The following C2CD3 variants were observed in gnomAD, a reference collection of about 807,000 sequenced individuals.
The protein encoded by C2CD3 is C2 domain containing 3 centriole elongation regulator, also known as C2 domain-containing protein 3.
Under a neutral mutation model 234.0 loss-of-function variants are expected in C2CD3, and 148 were observed. The ratio of observed to expected loss-of-function variants is 0.63; its 90% CI spans 0.55 to 0.72. The LOEUF is 0.72. Ranked by LOEUF, C2CD3 falls within the 30% of genes least tolerant of loss-of-function variation. C2CD3 has a pLI of 0.00. For synonymous variants in C2CD3, 1,000 were observed against 1,035.4 expected, an observed-to-expected ratio of 0.97 and a Z score of 0.66; for missense variants, 2,577 against 2,811.5, an observed-to-expected ratio of 0.92 and a Z score of 1.89.
intron 28 of C2CD3, among the ~76,000 whole-genome samples, chr11:74,044,834 C>T (rs1013805096): frequency 6.0e-5 from 9 of 150,740 alleles, no homozygotes; most frequent in Admixed American, 2.0e-4. Context: ...TGTGTTAATT[C>T]GCTTAGGATA....
At position 74,120,656 on chromosome 11, in the gene C2CD3, C is replaced by T. The variant is rs536100568; in HGVS notation, c.1366-2274G>A. On this transcript the variant is annotated intron_variant, in intron 8 of 32. Coordinates refer to ENST00000334126, the MANE Select transcript of C2CD3 (RefSeq NM_001286577.2). ...GGGTATACACCCAGTCATAGGATTGCTGGGTCAAATGGTAATTCTAGTTCT... is the reference window on the plus strand; with the variant it reads ...GGGTATACACCCAGTCATAGGATTGTTGGGTCAAATGGTAATTCTAGTTCT... Among the ~76,000 whole-genome samples the T allele has an allele frequency of 2.0e-5, 3 of 152,296 alleles. No homozygotes were observed. In the South Asian group the frequency reaches 6.2e-4, roughly 32 times the overall value.
rs760617771 is a variant in C2CD3 at position 74,028,381 on chromosome 11, A to C, written c.6827T>G (p.Val2276Gly). The part of the protein sequence containing the change: ...QSLLLPGPIV[V>G]PNFFLPPQQL... ...CTGGGGAGGCAAAAAGAAGTTGGGC[A>C]CCACAATGGGCCCTGGGCTACAATG... The change falls in exon 32 of 33, where the codon GTG becomes GGG. Residue 2276 changes from valine (V) to glycine (G), a missense_variant. Val to Gly is a moderately radical substitution (Grantham distance 109). Transcript: ENST00000334126. The C allele has an allele frequency of 1.3e-6, 2 of 1,535,516 alleles. No individual in the cohort carries two copies. Among genetic ancestry groups the C allele is most frequent in the African/African-American group, 2.7e-5 (2 of 73,024 alleles).
chr11:74,106,543 G>A (rs1956527658), intron 12 of C2CD3, 50 bp from the exon 13 acceptor site: 1 of 1,570,416 alleles, frequency 6.4e-7, no homozygotes, highest in Non-Finnish European at 8.7e-7. Flanking sequence ...AGAAGCCACA[G>A]GTGATCTTAA....
At chr11:74,165,458 T>C (rs1335195229) in intron 2 of C2CD3, among the ~76,000 whole-genome samples, 2 of 152,236 alleles carry the variant, frequency 1.3e-5, no homozygotes, top group Non-Finnish European at 2.9e-5. Flanking sequence ...TTCATGCTAA[T>C]ATGTGACAAC....
At chr11:74,087,496 G>T (rs779522595) in intron 20 of C2CD3, among the ~76,000 whole-genome samples, 1 of 151,918 alleles carries the variant, frequency 6.6e-6, no homozygotes, top group Non-Finnish European at 1.5e-5. Context: ...CCCAGGAGGC[G>T]GAGGTTGCAG....
rs368123128 is a variant in C2CD3 at position 74,092,627 on chromosome 11, G to A, written c.3345-39C>T. ...AAGCACACGTTGTCAGAAGAATTAGGTGATAAATGATTCAGTCTGCCCCAC... is the reference window on the plus strand; with the variant it reads ...AAGCACACGTTGTCAGAAGAATTAGATGATAAATGATTCAGTCTGCCCCAC... On this transcript the variant is annotated intron_variant, in intron 18 of 32. Coordinates refer to ENST00000334126, the MANE Select transcript of C2CD3 (RefSeq NM_001286577.2). 8 of 1,553,888 alleles carry A rather than the reference G, an allele frequency of 5.1e-6. No individual in the cohort carries two copies. The African/African-American group carries it at 8.2e-5, about 16-fold the overall frequency.
chr11:74,102,187 T>C (rs1956340589), intron 14 of C2CD3, among the ~76,000 whole-genome samples: 1 of 152,210 alleles, frequency 6.6e-6, no homozygotes, highest in Non-Finnish European at 1.5e-5. Context: ...AGGTTCTACT[T>C]AGGTGCCTGA....
At chr11:74,137,004 C>T (rs1297478870) in intron 5 of C2CD3, among the ~76,000 whole-genome samples, 1 of 148,246 alleles carries the variant, frequency 6.7e-6, no homozygotes, top group Non-Finnish European at 1.5e-5. Flanking sequence ...TCCCTTAGAT[C>T]TTTAATGTTA....
Position 74,133,522 on chromosome 11 carries a change from T to A in C2CD3, c.991A>T (p.Met331Leu). The A allele has an allele frequency of 1.2e-6, 2 of 1,614,068 alleles. No individual in the cohort carries two copies. Among genetic ancestry groups the A allele is most frequent in the Non-Finnish European group, 1.7e-6 (2 of 1,179,942 alleles). Reference sequence around the variant, plus strand: ...CTTGATTTCATTGCAGAAATCACCATGGCATTACGCAGTTTATTGCCTTGT... The same window carrying A: ...CTTGATTTCATTGCAGAAATCACCAAGGCATTACGCAGTTTATTGCCTTGT... ...LEQGNKLRNAMVISAMKSSPE... is the reference protein window; with the variant it reads ...LEQGNKLRNALVISAMKSSPE... The change falls in exon 6 of 33, where the codon ATG (methionine) becomes TTG (leucine). Residue 331 changes from methionine to leucine, a missense_variant. Met to Leu is a conservative substitution (Grantham distance 15, BLOSUM62 2). Transcript: ENST00000334126.
chr11:74,085,935 AATC>A, intron 20 of C2CD3, 49 bp from the exon 21 acceptor site: 1 of 1,529,120 alleles, frequency 6.5e-7, no homozygotes, highest in Non-Finnish European at 8.8e-7. Context: ...TAACATTAGA[AATC>A]AGCTTGATTT....
intron 7 of C2CD3, among the ~76,000 whole-genome samples, chr11:74,127,156 C>T (rs1202542575): frequency 2.6e-5 from 4 of 152,186 alleles, no homozygotes; most frequent in African/African-American, 4.8e-5. Flanking sequence ...CACAGGCATA[C>T]GCCACCACAC....
chr11:74,039,670 G>C lies in C2CD3; in HGVS notation c.5661-1972C>G, dbSNP rs538449860. 2.1e-4 allele frequency among the ~76,000 whole-genome samples: 32 copies of C among 152,250 alleles called. 1 individual carries two copies. In the South Asian group the frequency reaches 6.4e-3, roughly 31 times the overall value. On this transcript the variant is annotated intron_variant, in intron 29 of 32. Coordinates refer to ENST00000334126, the MANE Select transcript of C2CD3 (RefSeq NM_001286577.2). ...CTCAGGATACACTTGGCAATGTCTG[G>C]AGACATTTTGGGTTGTCACAAGTGG... is the stretch of plus-strand genomic sequence containing the variant.
intron 1 of C2CD3, 73 bp from the exon 2 acceptor site, chr11:74,168,686 T>A: frequency 7.2e-7 from 1 of 1,382,594 alleles, no homozygotes; most frequent in Non-Finnish European, 9.9e-7. Flanking sequence ...GCTTTTTGAA[T>A]GAAAACAAAC....
At position 74,033,668 on chromosome 11, in the gene C2CD3, A is replaced by G. The variant is rs1214778232; in HGVS notation, c.6492T>C (p.Gly2164=). The part of the protein sequence containing the change: ...CECEASKARV[G]GESASANPQP... Reference sequence around the variant, plus strand: ...GAGGGTTGGCTGAGGCAGACTCGCCACCAACCCTGGCCTTAGAGGCCTCAC... The same window carrying G: ...GAGGGTTGGCTGAGGCAGACTCGCCGCCAACCCTGGCCTTAGAGGCCTCAC... The change falls in exon 31 of 33, where the codon GGT becomes GGC. Residue 2164 remains glycine (G), a synonymous_variant. Transcript: ENST00000334126. 3 of 1,536,134 alleles carry G rather than the reference A, an allele frequency of 2.0e-6. No individual in the cohort carries two copies. Among genetic ancestry groups the G allele is most frequent in the Non-Finnish European group, 2.6e-6 (3 of 1,146,928 alleles).
Position 74,139,616 on chromosome 11 carries a change from T to C in C2CD3, c.696A>G (p.Ser232=), listed in dbSNP as rs1302871369. 5 of 1,611,938 alleles carry C rather than the reference T, an allele frequency of 3.1e-6. No homozygotes were observed. The African/African-American group carries it at 4.0e-5, about 13-fold the overall frequency. Residue 232 remains serine, a synonymous_variant, in exon 4 of 33, where the codon TCA becomes TCG. Transcript: ENST00000334126. The part of the protein sequence containing the change: ...GKELAANSSR[S]TTPRGKDHVC... The stretch of plus-strand genomic sequence containing the variant: ...GGTATGGTAATTACCTCGGAGTGGT[T>C]GATCTACTGCTGTTGGCTGCTAACT...
At chr11:74,081,266 G>T (rs942286990) in intron 22 of C2CD3, among the ~76,000 whole-genome samples, 1 of 152,128 alleles carries the variant, frequency 6.6e-6, no homozygotes, top group Non-Finnish European at 1.5e-5. Context: ...CTTGGTCAAG[G>T]TCACCCAGTT....
intron 25 of C2CD3, among the ~76,000 whole-genome samples, chr11:74,055,612 C>T (rs1224606757): frequency 6.6e-6 from 1 of 152,170 alleles, no homozygotes; most frequent in Non-Finnish European, 1.5e-5. Context: ...AAAGATTCAC[C>T]TCTGAATGCT....
intron 32 of C2CD3, among the ~76,000 whole-genome samples, chr11:74,018,897 T>C (rs1041640287): frequency 1.3e-5 from 2 of 152,078 alleles, no homozygotes; most frequent in African/African-American, 4.8e-5. Context: ...ATTACCGATA[T>C]GCTCCCTCCG....
intron 22 of C2CD3, among the ~76,000 whole-genome samples, chr11:74,082,313 C>T (rs1014782062): frequency 1.3e-5 from 2 of 152,008 alleles, no homozygotes; most frequent in African/African-American, 4.8e-5. Context: ...GATGGGGTTT[C>T]ACCTTGTTAG....
Sources: allele counts gnomAD v4.1 joint callset (sites outside exome capture counted in the v4.1 genomes callset), GRCh38; gene constraint gnomAD v4.1.1; transcripts MANE v1.5; gene names NCBI Gene and HGNC (gene_info 2026-07-23, HGNC 2026-07-21).